Variants in CHRNA9 observed in about 807,000 individuals in gnomAD.
The protein encoded by CHRNA9 is cholinergic receptor nicotinic alpha 9 subunit.
CHRNA9 carries 24 observed loss-of-function variants against 36.8 expected under a neutral mutation model. The ratio of observed to expected loss-of-function variants is 0.65; its 90% confidence interval spans 0.47 to 0.92. The LOEUF is 0.92. Ranked by LOEUF, CHRNA9 falls within the 40% of genes least tolerant of loss-of-function variation. The probability of loss-of-function intolerance (pLI) is 0.00; values close to 1 mark genes in which losing one functional copy is unlikely to be tolerated. For synonymous variants in CHRNA9, 231 were observed against 231.8 expected (o/e 1.00, Z 0.03); for missense variants, 610 against 601.2 (o/e 1.01, Z -0.15).
Position 40,348,250 on chromosome 4 carries a change from T to C in CHRNA9, c.366-632T>C, listed in dbSNP as rs574964254. On this transcript the variant is annotated intron_variant, in intron 3 of 4. Transcript: ENST00000310169. ...TGCCTTGCAATGGGAGAGGAAGTAA[T>C]GGGAGAAGGAGGAAGTAACGGGAGA... is the stretch of plus-strand genomic sequence containing the variant. 3 of 152,458 alleles carry C rather than the reference T, an allele frequency of 2.0e-5. No homozygotes were observed. The East Asian group carries it at 5.8e-4, about 29-fold the overall frequency. 9.4% of individuals were successfully genotyped at this position (152,458 alleles called of 1,614,324 possible). A position where few individuals can be genotyped will look rare whatever the true frequency, so the allele number is the denominator to read the frequency against.
At chr4:40,342,142 G>A (rs1712516643) in intron 3 of CHRNA9, among the ~76,000 whole-genome samples, 1 of 152,174 alleles carries the variant, frequency 6.6e-6, no homozygotes, top group Non-Finnish European at 1.5e-5. Context: ...AATTTGTCTA[G>A]AATTTAGCTT....
rs141874739 is a variant in CHRNA9 at position 40,337,507 on chromosome 4, A to G, written c.365+143A>G. 13 of 968,710 alleles carry G rather than the reference A, an allele frequency of 1.3e-5. No individual in the cohort carries two copies. In the African/African-American group the frequency reaches 1.8e-4, roughly 13 times the overall value. The allele number at this position is 968,710 out of a possible 1,614,324, so 60.0% of individuals were successfully genotyped here. On this transcript the variant is annotated intron_variant, in intron 3 of 4. Coordinates refer to ENST00000310169, the MANE Select transcript of CHRNA9 (RefSeq NM_017581.4). ...CCTAGGACTTACTGAAATAAGAGAC[A>G]TAGAATCTTAGATCAGGAAATAATA...
intron 3 of CHRNA9, among the ~76,000 whole-genome samples, chr4:40,345,007 TTGAG>T (rs1377010134): frequency 9.9e-5 from 15 of 152,156 alleles, no homozygotes; most frequent in African/African-American, 2.4e-5. Flanking sequence ...AAGAAAGAGT[TTGAG>T]TAAGAGAAAC....
At chr4:40,347,325 G>A (rs6819483) in intron 3 of CHRNA9, among the ~76,000 whole-genome samples, 3 of 152,006 alleles carry the variant, frequency 2.0e-5, no homozygotes, top group African/African-American at 7.2e-5. Flanking sequence ...CTTAAGGAAA[G>A]GGTCAGTGGA....
At chr4:40,342,678 T>A (rs1216558333) in intron 3 of CHRNA9, among the ~76,000 whole-genome samples, 1 of 151,704 alleles carries the variant, frequency 6.6e-6, no homozygotes, top group African/African-American at 2.4e-5. Flanking sequence ...AAAGCAGGAG[T>A]CAGGAAATAA....
chr4:40,353,359 T>TGGG (rs1712857414), intron 4 of CHRNA9, among the ~76,000 whole-genome samples: 1 of 151,990 alleles, frequency 6.6e-6, no homozygotes, highest in African/African-American at 2.4e-5. Flanking sequence ...GGCGTAGTGG[T>TGGG]GGGCGCCTGT....
At chr4:40,346,172 AAGAG>A (rs762943265) in intron 3 of CHRNA9, among the ~76,000 whole-genome samples, 17 of 152,210 alleles carry the variant, frequency 1.1e-4, no homozygotes, top group East Asian at 5.8e-4. Flanking sequence ...TTGCAGGGAA[AAGAG>A]AGAGTGAGGT....
intron 3 of CHRNA9, among the ~76,000 whole-genome samples, chr4:40,342,872 A>T (rs1161472624): frequency 1.3e-5 from 2 of 152,124 alleles, no homozygotes; most frequent in Non-Finnish European, 2.9e-5. Context: ...CAAAATCCTG[A>T]AGGAGGCATG....
At chr4:40,336,119 G>A (rs2109675591) in intron 2 of CHRNA9, 147 bp downstream of exon 2, 1 of 698,402 alleles carries the variant, frequency 1.4e-6, no homozygotes, top group South Asian at 1.9e-5. Flanking sequence ...TCGGGAAAAG[G>A]AAGCTTTCTA....
At chr4:40,337,474 T>C in intron 3 of CHRNA9, 110 bp downstream of exon 3, 2 of 1,235,954 alleles carry the variant, frequency 1.6e-6, no homozygotes, top group South Asian at 3.1e-5. Flanking sequence ...TAAATATTAA[T>C]CCATGTTCCT....
intron 4 of CHRNA9, among the ~76,000 whole-genome samples, chr4:40,350,221 C>T (rs151218327): frequency 2.0e-3 from 298 of 152,206 alleles, no homozygotes; most frequent in African/African-American, 6.7e-3. Context: ...TTCCTACACC[C>T]AGAGAGTTTG....
chr4:40,338,608 G>A (rs1348019946), intron 3 of CHRNA9, among the ~76,000 whole-genome samples: 1 of 152,078 alleles, frequency 6.6e-6, no homozygotes, highest in Admixed American at 6.6e-5. Flanking sequence ...TTCCTTTAAG[G>A]AAGCAGCACG....
At position 40,348,951 on chromosome 4, in the gene CHRNA9, G is replaced by A; in HGVS notation, c.435G>A (p.Trp145Ter). 1.9e-6 allele frequency: 3 copies of A among 1,614,128 alleles called. No homozygotes were observed. Among genetic ancestry groups the A allele is most frequent in the Non-Finnish European group, 2.5e-6 (3 of 1,180,002 alleles). ...VVLRYDGLIT[W>*]DAPAITKSSC... ...TGCGGTATGATGGGCTGATCACCTG[G>A]GATGCACCGGCCATCACCAAAAGCT... Residue 145 changes from tryptophan (W) to a stop codon, truncating the protein, a stop_gained, in exon 4 of 5, where the codon TGG (tryptophan) becomes TGA (stop). Coordinates refer to ENST00000310169, the MANE Select transcript of CHRNA9 (RefSeq NM_017581.4). LOFTEE classifies it high-confidence loss of function.
intron 3 of CHRNA9, among the ~76,000 whole-genome samples, chr4:40,339,146 G>A (rs1269893795): frequency 1.3e-5 from 2 of 151,632 alleles, no homozygotes; most frequent in Non-Finnish European, 2.9e-5. Flanking sequence ...GGGTGTGGTG[G>A]CGGGCGCCTG....
chr4:40,337,955 A>T (rs972714788), intron 3 of CHRNA9: 1 of 152,344 alleles, frequency 6.6e-6, no homozygotes, highest in Non-Finnish European at 1.5e-5. Context: ...GCGTGACTTC[A>T]TCTTAACCTA....
chr4:40,342,655 G>A (rs751416292), intron 3 of CHRNA9, among the ~76,000 whole-genome samples: 8 of 152,098 alleles, frequency 5.3e-5, no homozygotes, highest in Non-Finnish European at 8.8e-5. Flanking sequence ...TGTACTTGTC[G>A]GAAAGACATC....
intron 3 of CHRNA9, among the ~76,000 whole-genome samples, chr4:40,339,921 C>T (rs1457051309): frequency 6.6e-6 from 1 of 152,100 alleles, no homozygotes; most frequent in East Asian, 1.9e-4. Context: ...CCCAGCTCAG[C>T]CTCCCAAAGT....
At chr4:40,348,733 T>G in intron 3 of CHRNA9, 149 bp from the exon 4 acceptor site, 1 of 686,946 alleles carries the variant, frequency 1.5e-6, no homozygotes, top group South Asian at 1.9e-5. Context: ...CAAATTAGAG[T>G]TGATTCCAGA....
At chr4:40,341,112 T>A (rs1230620249) in intron 3 of CHRNA9, among the ~76,000 whole-genome samples, 2 of 151,964 alleles carry the variant, frequency 1.3e-5, no homozygotes, top group African/African-American at 4.8e-5. Flanking sequence ...AATAAATGAA[T>A]TGGGGCTCAA....
Sources: gnomAD v4.1 joint callset for allele counts (sites outside exome capture counted in the v4.1 genomes callset) on GRCh38, gnomAD v4.1.1 for gene constraint, MANE v1.5 for transcripts, NCBI Gene and HGNC (gene_info 2026-07-23, HGNC 2026-07-21) for gene names.